EYS: variants seen among roughly 807,000 people sequenced by gnomAD.
The protein encoded by EYS is EGF-like photoreceptor maintenance factor.
Under a neutral mutation model 282.1 loss-of-function variants are expected in EYS, and 250 were observed. That is an observed-to-expected ratio of 0.89 (90% CI 0.80 to 0.98). The LOEUF (loss-of-function observed/expected upper bound fraction) is 0.98, where lower values mean the gene tolerates loss of function less well. Among genes scored for constraint, EYS ranks in the 50% least tolerant of loss-of-function variants. The pLI, the probability that EYS is intolerant of heterozygous loss-of-function variation, is 0.00. For missense variants in EYS, 4,016 were observed against 3,709.0 expected (o/e 1.08, Z -2.15); for synonymous variants, 1,355 against 1,282.9 (o/e 1.06, Z -1.20).
intron 31 of EYS, among the ~76,000 whole-genome samples, chr6:64,136,875 G>A (rs746474468): frequency 1.6e-4 from 25 of 152,194 alleles, no homozygotes; most frequent in Non-Finnish European, 3.2e-4. Context: ...TCAACTTAAA[G>A]TCACCACCTG....
intron 29 of EYS, among the ~76,000 whole-genome samples, chr6:64,375,868 A>G (rs1320292337): frequency 6.6e-6 from 1 of 152,338 alleles, no homozygotes; most frequent in Non-Finnish European, 1.5e-5. Flanking sequence ...AACAACAGAA[A>G]TGATACCAAA....
intron 5 of EYS, among the ~76,000 whole-genome samples, chr6:65,458,361 C>T (rs1033104289): frequency 2.6e-5 from 4 of 152,054 alleles, no homozygotes; most frequent in Non-Finnish European, 2.9e-5. Context: ...ACAGAAACTA[C>T]GGATTCATCT....
At chr6:64,679,299 G>C (rs761738463) in intron 22 of EYS, among the ~76,000 whole-genome samples, 16 of 152,018 alleles carry the variant, frequency 1.1e-4, no homozygotes, top group Admixed American at 1.0e-3. Flanking sequence ...AGGCTGCATA[G>C]CTTTTCTCGG....
intron 12 of EYS, among the ~76,000 whole-genome samples, chr6:65,127,156 T>A (rs545779673): frequency 2.2e-3 from 334 of 152,188 alleles, no homozygotes; most frequent in Non-Finnish European, 3.4e-3. Flanking sequence ...ATGTGATAAT[T>A]CCAATCAACA....
chr6:64,323,979 T>C (rs7760634), intron 29 of EYS, among the ~76,000 whole-genome samples: 114,605 of 152,020 alleles, frequency 0.75, 43,834 homozygotes, highest in African/African-American at 0.9. Context: ...TCCCATTTTC[T>C]GGGGGAAGTT....
chr6:65,634,284 A>G (rs1375116202), intron 2 of EYS, among the ~76,000 whole-genome samples: 1 of 152,158 alleles, frequency 6.6e-6, no homozygotes, highest in Non-Finnish European at 1.5e-5. Flanking sequence ...TGGATCTATA[A>G]AGGATTCTCT....
chr6:64,531,424 G>C (rs1764332056), intron 26 of EYS, among the ~76,000 whole-genome samples: 1 of 146,652 alleles, frequency 6.8e-6, no homozygotes, highest in Non-Finnish European at 1.5e-5. Flanking sequence ...GTCTCGCTCT[G>C]TTGCCCACCT....
intron 5 of EYS, among the ~76,000 whole-genome samples, chr6:65,479,457 C>A (rs1212303873): frequency 6.6e-6 from 1 of 151,924 alleles, no homozygotes; most frequent in Non-Finnish European, 1.5e-5. Context: ...ATACACTAAC[C>A]AAGAAACACT....
At chr6:64,583,549 A>C (rs1425740856) in intron 26 of EYS, among the ~76,000 whole-genome samples, 1 of 152,134 alleles carries the variant, frequency 6.6e-6, no homozygotes, top group Non-Finnish European at 1.5e-5. Context: ...TTATCCCAAC[A>C]CTTTGGGAGG....
chr6:64,170,135 C>G (rs1474710337), intron 31 of EYS, among the ~76,000 whole-genome samples: 2 of 152,106 alleles, frequency 1.3e-5, no homozygotes, highest in African/African-American at 4.8e-5. Context: ...CTGCATTAAA[C>G]TTCACTAGGT....
intron 12 of EYS, among the ~76,000 whole-genome samples, chr6:65,182,218 TAA>T (rs1409759074): frequency 6.6e-6 from 1 of 150,400 alleles, no homozygotes; most frequent in East Asian, 2.0e-4. Flanking sequence ...AAAATATATA[TAA>T]TAATAAAATA....
intron 12 of EYS, among the ~76,000 whole-genome samples, chr6:65,253,510 A>C (rs549627512): frequency 6.6e-6 from 1 of 152,026 alleles, no homozygotes; most frequent in South Asian, 2.1e-4. Flanking sequence ...TAATTTTTAT[A>C]TATTTGAATT....
chr6:65,664,543 T>C (rs1023896698), intron 1 of EYS, among the ~76,000 whole-genome samples: 2 of 151,964 alleles, frequency 1.3e-5, no homozygotes, highest in African/African-American at 4.8e-5. Flanking sequence ...GAAATATAAT[T>C]TGATAGAGAA....
intron 26 of EYS, among the ~76,000 whole-genome samples, chr6:64,559,696 A>G (rs1300397052): frequency 2.6e-5 from 4 of 152,138 alleles, no homozygotes; most frequent in South Asian, 2.1e-4. Context: ...TGTATTACAT[A>G]AAGATTAAAC....
chr6:64,833,686 T>A (rs912901462), intron 19 of EYS, among the ~76,000 whole-genome samples: 11 of 151,956 alleles, frequency 7.2e-5, no homozygotes, highest in Non-Finnish European at 1.3e-4. Flanking sequence ...TTTGTAACAA[T>A]TAGAAATGAA....
intron 2 of EYS, among the ~76,000 whole-genome samples, chr6:65,512,786 A>G (rs1766948254): frequency 6.6e-6 from 1 of 152,174 alleles, no homozygotes; most frequent in Non-Finnish European, 1.5e-5. Context: ...ACACATTCAA[A>G]GCAGTGTGTA....
intron 29 of EYS, among the ~76,000 whole-genome samples, chr6:64,307,565 G>GA (rs35550936): frequency 5.9e-5 from 9 of 152,096 alleles, no homozygotes; most frequent in Non-Finnish European, 8.8e-5. Context: ...TGTGGGTGGG[G>GA]AAAAAATGTG....
At chr6:64,849,879 A>G (rs9342437) in intron 19 of EYS, among the ~76,000 whole-genome samples, 22,988 of 151,652 alleles carry the variant, frequency 0.15, 1,973 homozygotes, top group East Asian at 0.43. Flanking sequence ...AAAGAAAGGT[A>G]TGTGATTAGA....
At chr6:64,757,975 C>T (rs912073959) in intron 22 of EYS, among the ~76,000 whole-genome samples, 3 of 152,048 alleles carry the variant, frequency 2.0e-5, no homozygotes, top group Non-Finnish European at 4.4e-5. Context: ...GGGGTTTCAC[C>T]GTGTTAGTCA....
Sources: gnomAD v4.1 joint callset for allele counts (sites outside exome capture counted in the v4.1 genomes callset) on GRCh38, gnomAD v4.1.1 for gene constraint, MANE v1.5 for transcripts, NCBI Gene and HGNC (gene_info 2026-07-23, HGNC 2026-07-21) for gene names.